Variants in PEAK1 observed in about 807,000 individuals in gnomAD.
PEAK1 encodes the protein inactive tyrosine-protein kinase PEAK1.
A neutral mutation model predicts 124.7 loss-of-function variants in PEAK1; 54 were observed. The ratio of observed to expected loss-of-function variants is 0.43; its 90% confidence interval spans 0.35 to 0.54. The LOEUF is 0.54. Among genes scored for constraint, PEAK1 ranks in the 20% least tolerant of loss-of-function variants. The pLI is 0.01. For missense variants in PEAK1, 2,046 were observed against 2,134.5 expected, an observed-to-expected ratio of 0.96 and a Z score of 0.82; for synonymous variants, 719 against 760.0, an observed-to-expected ratio of 0.95 and a Z score of 0.89.
At chr15:77,201,956 C>G (rs2152846753) in intron 6 of PEAK1, among the ~76,000 whole-genome samples, 1 of 152,246 alleles carries the variant, frequency 6.6e-6, no homozygotes, top group Middle Eastern at 3.4e-3. Context: ...CACACTGGCT[C>G]CCTTTGTGCA....
At chr15:77,338,804 T>C (rs983705420) in intron 2 of PEAK1, among the ~76,000 whole-genome samples, 3 of 151,936 alleles carry the variant, frequency 2.0e-5, no homozygotes, top group Non-Finnish European at 4.4e-5. Context: ...AAACCATGCA[T>C]TTCTATCTAA....
chr15:77,228,820 A>G (rs2059786887), intron 6 of PEAK1, among the ~76,000 whole-genome samples: 1 of 152,164 alleles, frequency 6.6e-6, no homozygotes, highest in Non-Finnish European at 1.5e-5. Context: ...GACATTAAGT[A>G]TTTTCATGTG....
intron 6 of PEAK1, among the ~76,000 whole-genome samples, chr15:77,234,690 T>A (rs919001861): frequency 2.6e-5 from 4 of 151,960 alleles, no homozygotes; most frequent in African/African-American, 9.7e-5. Context: ...TTAAAAAAAA[T>A]TTGTGTAAGA....
intron 2 of PEAK1, chr15:77,350,030 T>C (rs1419812845): frequency 6.1e-6 from 6 of 985,034 alleles, no homozygotes; most frequent in African/African-American, 3.5e-5. Flanking sequence ...AGAACAGCAA[T>C]GTAGGAAGTC....
At chr15:77,217,534 C>T (rs1363292284) in intron 6 of PEAK1, among the ~76,000 whole-genome samples, 1 of 152,216 alleles carries the variant, frequency 6.6e-6, no homozygotes, top group African/African-American at 2.4e-5. Context: ...TCATTCTTCT[C>T]ATTAAACAAG....
At chr15:77,107,745 C>G (rs1369389580), downstream of PEAK1, 1 of 152,300 alleles carries the variant, frequency 6.6e-6, no homozygotes, top group African/African-American at 2.4e-5. Context: ...GCCCTGTCCC[C>G]GCTCATATTA....
intron 1 of PEAK1, chr15:77,403,163 T>C: frequency 1.0e-6 from 1 of 985,402 alleles, no homozygotes; most frequent in Non-Finnish European, 1.2e-6. Context: ...ACTGCTACTT[T>C]GCCTGTATCA....
chr15:77,419,785 CG>C (rs2073224215), intron 1 of PEAK1, among the ~76,000 whole-genome samples: 1 of 148,402 alleles, frequency 6.7e-6, no homozygotes, highest in South Asian at 2.1e-4. Flanking sequence ...CGGCGGGGCG[CG>C]GGGGTGGCCG....
At chr15:77,127,465 G>A (rs2052477594) in intron 9 of PEAK1, among the ~76,000 whole-genome samples, 1 of 152,140 alleles carries the variant, frequency 6.6e-6, no homozygotes, top group Non-Finnish European at 1.5e-5. Context: ...AGATAACCAT[G>A]AACAGATAGT....
chr15:77,389,304 C>T (rs915585273), intron 1 of PEAK1, among the ~76,000 whole-genome samples: 2 of 151,882 alleles, frequency 1.3e-5, no homozygotes, highest in Admixed American at 1.3e-4. Context: ...AAATTTTGAC[C>T]CTAATTTTGG....
chr15:77,308,747 C>T (rs569852266), intron 2 of PEAK1, among the ~76,000 whole-genome samples: 46 of 152,210 alleles, frequency 3.0e-4, no homozygotes, highest in Non-Finnish European at 6.0e-4. Flanking sequence ...GGCATCACCC[C>T]TTAATTAAAT....
chr15:77,328,555 A>G (rs1018236102), intron 2 of PEAK1, among the ~76,000 whole-genome samples: 2 of 152,284 alleles, frequency 1.3e-5, no homozygotes, highest in Admixed American at 6.5e-5. Context: ...GCTGCCTACC[A>G]TATACTAGGC....
At chr15:77,176,637 G>A (rs1022145800) in intron 7 of PEAK1, among the ~76,000 whole-genome samples, 8 of 152,152 alleles carry the variant, frequency 5.3e-5, no homozygotes, top group African/African-American at 1.7e-4. Context: ...TTCAAAAAAC[G>A]GATACATTTT....
chr15:77,420,825 A>G (rs1414590238), upstream of PEAK1: 5 of 398,538 alleles, frequency 1.3e-5, no homozygotes, highest in Non-Finnish European at 4.4e-6. Context: ...AAAGGTGGTT[A>G]AGAGATTAGG....
intron 6 of PEAK1, among the ~76,000 whole-genome samples, chr15:77,245,727 A>C (rs1013560403): frequency 2.6e-5 from 4 of 151,580 alleles, no homozygotes; most frequent in African/African-American, 9.7e-5. Flanking sequence ...AAAAGAAAAA[A>C]CTCATCTTTT....
At chr15:77,350,422 C>T (rs2067136710) in intron 2 of PEAK1, 2 of 985,188 alleles carry the variant, frequency 2.0e-6, no homozygotes, top group African/African-American at 1.7e-5. Context: ...AGGGAACAGC[C>T]TGAATGTAGC....
intron 6 of PEAK1, among the ~76,000 whole-genome samples, chr15:77,241,230 T>C (rs2060343963): frequency 6.6e-6 from 1 of 152,004 alleles, no homozygotes; most frequent in Non-Finnish European, 1.5e-5. Flanking sequence ...GCTCAAAAAA[T>C]AAAATCCATA....
At chr15:77,138,735 G>A (rs996298661) in intron 8 of PEAK1, among the ~76,000 whole-genome samples, 16 of 152,128 alleles carry the variant, frequency 1.1e-4, no homozygotes, top group African/African-American at 3.9e-4. Context: ...GGTGGCGCAT[G>A]CCTATAGTCC....
intron 2 of PEAK1, among the ~76,000 whole-genome samples, chr15:77,303,264 G>A (rs189519314): frequency 2.6e-4 from 39 of 152,136 alleles, no homozygotes; most frequent in African/African-American, 9.2e-4. Context: ...AAATTAGTTG[G>A]GTAAATACCT....
Sources: gnomAD v4.1 joint callset for allele counts (sites outside exome capture counted in the v4.1 genomes callset) on GRCh38, gnomAD v4.1.1 for gene constraint, MANE v1.5 for transcripts, NCBI Gene and HGNC (gene_info 2026-07-23, HGNC 2026-07-21) for gene names.